Variants in TUSC3 observed in about 807,000 individuals in gnomAD.
TUSC3 encodes the protein tumor suppressor candidate 3.
A neutral mutation model predicts 44.8 loss-of-function variants in TUSC3; 45 were observed. The observed-to-expected ratio is 1.00, with a 90% CI of 0.79 to 1.29. The LOEUF (loss-of-function observed/expected upper bound fraction) is 1.29, where lower values mean the gene tolerates loss of function less well. Among genes scored for constraint, TUSC3 ranks in the 50% most tolerant of loss-of-function variants. TUSC3 has a pLI of 0.00. For synonymous variants in TUSC3, 212 were observed against 152.9 expected (o/e 1.39, Z -2.85); for missense variants, 519 against 437.9 (o/e 1.19, Z -1.65).
chr8:15,704,946 TAAA>T (rs5889597), intron 6 of TUSC3, among the ~76,000 whole-genome samples: 89,304 of 149,886 alleles, frequency 0.6, 26,794 homozygotes, highest in Admixed American at 0.66. Flanking sequence ...CTGTATTCTT[TAAA>T]AAAAAAAAAA....
At chr8:15,647,602 C>T (rs888592429) in intron 2 of TUSC3, among the ~76,000 whole-genome samples, 1 of 152,156 alleles carries the variant, frequency 6.6e-6, no homozygotes, top group African/African-American at 2.4e-5. Flanking sequence ...TCACTCACTG[C>T]ATTTCTAGTT....
chr8:15,796,485 T>C, the TUSC3 span, among the ~76,000 whole-genome samples: 2 of 152,204 alleles, frequency 1.3e-5, no homozygotes, highest in African/African-American at 4.8e-5. Context: ...TCAGTGAGAA[T>C]GGCCTTGAGC....
chr8:15,543,326 C>G (rs943114066), intron 1 of TUSC3, among the ~76,000 whole-genome samples: 1 of 152,044 alleles, frequency 6.6e-6, no homozygotes, highest in Admixed American at 6.6e-5. Context: ...AAACTGAAGT[C>G]TTAAGTTGAG....
intron 1 of TUSC3, among the ~76,000 whole-genome samples, chr8:15,563,555 G>A (rs1157003731): frequency 7.9e-5 from 12 of 151,838 alleles, no homozygotes; most frequent in South Asian, 2.1e-4. Flanking sequence ...TTGTGGTGGC[G>A]CATGCCTGTA....
chr8:15,742,650 G>C (rs1209804441), intron 7 of TUSC3, among the ~76,000 whole-genome samples: 1 of 152,184 alleles, frequency 6.6e-6, no homozygotes, highest in Admixed American at 6.5e-5. Context: ...AATAGCAGTA[G>C]AAAGAAACAC....
the TUSC3 span, among the ~76,000 whole-genome samples, chr8:15,844,387 G>C: frequency 7.0e-4 from 106 of 152,214 alleles, 2 homozygotes; most frequent in East Asian, 0.016. Flanking sequence ...AATAAGCTAA[G>C]AGTCTATTTG....
chr8:15,453,494 G>A (rs954677634), intron 1 of TUSC3, among the ~76,000 whole-genome samples: 1 of 152,094 alleles, frequency 6.6e-6, no homozygotes, highest in African/African-American at 2.4e-5. Flanking sequence ...TTGTCAACTT[G>A]TGCAAATTGA....
At chr8:15,631,701 TGTG>T (rs1394162928) in intron 2 of TUSC3, among the ~76,000 whole-genome samples, 4 of 151,498 alleles carry the variant, frequency 2.6e-5, no homozygotes, top group African/African-American at 9.7e-5. Context: ...TGTGTGTGTG[TGTG>T]TGTGTTTTGT....
At chr8:15,747,147 C>T (rs1453401332) in intron 8 of TUSC3, among the ~76,000 whole-genome samples, 8 of 151,930 alleles carry the variant, frequency 5.3e-5, no homozygotes, top group Admixed American at 4.6e-4. Flanking sequence ...TTGACAAAGC[C>T]GTACCTTATG....
At chr8:15,695,723 A>G (rs2129192658) in intron 6 of TUSC3, among the ~76,000 whole-genome samples, 1 of 152,320 alleles carries the variant, frequency 6.6e-6, no homozygotes, top group African/African-American at 2.4e-5. Flanking sequence ...AATGAAATCC[A>G]GACTAAGGTG....
chr8:15,762,354 AT>A (rs1446676331), intron 10 of TUSC3, among the ~76,000 whole-genome samples: 4 of 152,106 alleles, frequency 2.6e-5, no homozygotes, highest in Non-Finnish European at 5.9e-5. Context: ...TCATAATGAT[AT>A]AAACAACTGA....
intron 1 of TUSC3, among the ~76,000 whole-genome samples, chr8:15,605,253 CAT>C (rs1804471750): frequency 6.6e-6 from 1 of 151,820 alleles, no homozygotes; most frequent in African/African-American, 2.4e-5. Context: ...GGCTTTGTTT[CAT>C]ATCTTTTCCT....
intron 1 of TUSC3, among the ~76,000 whole-genome samples, chr8:15,460,863 C>G (rs1276330543): frequency 6.6e-6 from 1 of 152,068 alleles, no homozygotes; most frequent in Non-Finnish European, 1.5e-5. Context: ...TTTCTGGGTT[C>G]TCTATTCTGT....
intron 1 of TUSC3, among the ~76,000 whole-genome samples, chr8:15,616,681 G>C (rs1047170904): frequency 6.6e-6 from 1 of 152,204 alleles, no homozygotes; most frequent in African/African-American, 2.4e-5. Flanking sequence ...TGTGCTGTGG[G>C]TGGCAGGAAG....
intron 6 of TUSC3, among the ~76,000 whole-genome samples, chr8:15,701,041 C>T (rs1809381918): frequency 6.6e-6 from 1 of 151,692 alleles, no homozygotes; most frequent in South Asian, 2.1e-4. Context: ...GGGTGTTTGG[C>T]AGTATTTAAC....
At chr8:15,842,256 C>T in the TUSC3 span, among the ~76,000 whole-genome samples, 10 of 152,062 alleles carry the variant, frequency 6.6e-5, no homozygotes, top group South Asian at 4.1e-4. Context: ...AAGTGCATCC[C>T]GACTGATTAT....
At chr8:15,674,842 A>C (rs1808112160) in intron 6 of TUSC3, among the ~76,000 whole-genome samples, 1 of 152,020 alleles carries the variant, frequency 6.6e-6, no homozygotes, top group South Asian at 2.1e-4. Context: ...TCAATATTCA[A>C]AATTCAGTTA....
intron 1 of TUSC3, among the ~76,000 whole-genome samples, chr8:15,606,447 G>A (rs1804530353): frequency 6.6e-6 from 1 of 151,976 alleles, no homozygotes; most frequent in Non-Finnish European, 1.5e-5. Context: ...CACTTAACAC[G>A]TGATTTTTGA....
chr8:15,756,370 G>T (rs960553708), intron 9 of TUSC3, among the ~76,000 whole-genome samples: 14 of 152,008 alleles, frequency 9.2e-5, no homozygotes, highest in Admixed American at 5.2e-4. Flanking sequence ...TATATAATCA[G>T]TTCGTAGTCC....
Sources: gnomAD v4.1 joint callset for allele counts (sites outside exome capture counted in the v4.1 genomes callset) on GRCh38, gnomAD v4.1.1 for gene constraint, MANE v1.5 for transcripts, NCBI Gene and HGNC (gene_info 2026-07-23, HGNC 2026-07-21) for gene names.